The following FKBP5 variants were observed in gnomAD, a reference collection of about 807,000 sequenced individuals.
FKBP5 encodes the protein FKBP prolyl isomerase 5.
In FKBP5, 23 loss-of-function variants were observed where a neutral mutation model predicts 50.5. That is an observed-to-expected ratio of 0.46 (90% CI 0.33 to 0.65). The LOEUF is 0.65. Ranked by LOEUF, FKBP5 falls within the 30% of genes least tolerant of loss-of-function variation. The pLI is 0.02. For missense variants in FKBP5, 411 were observed against 553.1 expected, an observed-to-expected ratio of 0.74 and a Z score of 2.58; for synonymous variants, 176 against 190.6, an observed-to-expected ratio of 0.92 and a Z score of 0.63.
chr6:35,588,669 C>T lies in FKBP5; in HGVS notation c.757-1552G>A, dbSNP rs144903614. Among the ~76,000 whole-genome samples the T allele has an allele frequency of 4.7e-3, 712 of 151,918 alleles. 7 individuals are homozygous for T. The highest frequency in any genetic ancestry group is 0.015 in the African/African-American group (642 of 41,456). ...AGGCTGGAGTGCAGTGGCACGATCG[C>T]GGCTCACTGTAGCCTCGATTTCCCA... is the stretch of plus-strand genomic sequence containing the variant. On this transcript the variant is annotated intron_variant, in intron 7 of 10. Transcript: ENST00000357266.
intron 1 of FKBP5, among the ~76,000 whole-genome samples, chr6:35,680,648 C>A (rs1765640134): frequency 6.6e-6 from 1 of 152,110 alleles, no homozygotes; most frequent in Non-Finnish European, 1.5e-5. Flanking sequence ...GACAGATTTA[C>A]CACTTACCAA....
intron 1 of FKBP5, among the ~76,000 whole-genome samples, chr6:35,671,607 C>A (rs1436390774): frequency 6.6e-6 from 1 of 151,636 alleles, no homozygotes; most frequent in African/African-American, 2.4e-5. Flanking sequence ...AGGGTAAATA[C>A]CTAAAGAAGT....
At chr6:35,708,542 G>A (rs997072503) in intron 2 of FKBP5, among the ~76,000 whole-genome samples, 5 of 151,346 alleles carry the variant, frequency 3.3e-5, no homozygotes, top group Admixed American at 1.3e-4. Flanking sequence ...ATGAGCCATT[G>A]CGCCTGGCCT....
chr6:35,725,216 G>T (rs544188570), intron 1 of FKBP5, among the ~76,000 whole-genome samples: 2 of 152,238 alleles, frequency 1.3e-5, no homozygotes, highest in East Asian at 3.9e-4. Context: ...GTGACTCCTG[G>T]GGGTGAGAGG....
intron 5 of FKBP5, among the ~76,000 whole-genome samples, chr6:35,598,488 G>A (rs1016905875): frequency 3.0e-4 from 46 of 151,950 alleles, no homozygotes; most frequent in African/African-American, 8.9e-4. Flanking sequence ...CTCCCAAAGC[G>A]CTGGGATTAC....
rs371705179 is a variant in FKBP5, at chr6:35,637,292, C to T, written c.106-134G>A. 205 of 728,816 alleles carry T rather than the reference C, an allele frequency of 2.8e-4. 2 individuals carry two copies. In the East Asian group the frequency reaches 4.0e-3, roughly 14 times the overall value. The allele number at this position is 728,816 out of a possible 1,614,324, so 45.1% of individuals were successfully genotyped here. ...TACTATTATCCATTCTTTCTAATGC[C>T]TCCCTTCATTCCTCACAATAACTCA... On this transcript the variant is annotated intron_variant, in intron 2 of 10. Transcript: ENST00000357266.
intron 1 of FKBP5, among the ~76,000 whole-genome samples, chr6:35,647,119 T>C (rs1251029251): frequency 6.6e-6 from 1 of 152,200 alleles, no homozygotes; most frequent in African/African-American, 2.4e-5. Context: ...GAACAAATAA[T>C]TACTGAAGAA....
chr6:35,574,275 TAA>T lies in FKBP5; in HGVS notation c.*1558_*1559del, dbSNP rs1248224631. The T allele has an allele frequency of 3.9e-5, 6 of 152,274 alleles. No individual in the cohort carries two copies. The highest frequency in any genetic ancestry group is 5.9e-5 in the Non-Finnish European group (4 of 68,010). The allele number at this position is 152,274 out of a possible 1,614,324, so 9.4% of individuals were successfully genotyped here. A position where few individuals can be genotyped will look rare whatever the true frequency, so the allele number is the denominator to read the frequency against. The stretch of plus-strand genomic sequence containing the variant: ...TTTGAAGGGGGTCCCAATCTAATAA[TAA>T]AAGTCTTTTGATAAAACCATCATAA... On this transcript the variant is annotated 3_prime_UTR_variant, in exon 11 of 11. Transcript: ENST00000357266.
chr6:35,582,293 G>C, intron 8 of FKBP5: 6 of 985,314 alleles, frequency 6.1e-6, no homozygotes, highest in Non-Finnish European at 7.2e-6. Flanking sequence ...GAGGAAATTA[G>C]ATTTGCTATG....
intron 1 of FKBP5, among the ~76,000 whole-genome samples, chr6:35,685,198 T>C (rs1418532223): frequency 6.6e-6 from 1 of 152,248 alleles, no homozygotes; most frequent in African/African-American, 2.4e-5. Flanking sequence ...ATTAATCTGT[T>C]AGTAACCTGC....
At chr6:35,637,291 C>T in intron 2 of FKBP5, 133 bp from the exon 3 acceptor site, 1 of 736,714 alleles carries the variant, frequency 1.4e-6, no homozygotes, top group Non-Finnish European at 2.2e-6. Context: ...CTTTCTAATG[C>T]CTCCCTTCAT....
intron 5 of FKBP5, chr6:35,607,819 C>A: frequency 4.5e-6 from 1 of 224,166 alleles, no homozygotes; most frequent in East Asian, 1.1e-4. Context: ...TGAAGGTCTC[C>A]AAGGACAAAT....
intron 1 of FKBP5, 33 bp from the exon 2 acceptor site, chr6:35,642,876 A>C: frequency 6.7e-7 from 1 of 1,483,112 alleles, no homozygotes; most frequent in Non-Finnish European, 9.4e-7. Flanking sequence ...AGCTGGGAAA[A>C]ATATCACTTC....
intron 2 of FKBP5, among the ~76,000 whole-genome samples, chr6:35,697,841 A>T (rs1429727229): frequency 6.6e-6 from 1 of 152,092 alleles, no homozygotes; most frequent in South Asian, 2.1e-4. Context: ...TATACTAAAA[A>T]CCATTGTGCT....
intron 1 of FKBP5, among the ~76,000 whole-genome samples, chr6:35,655,944 A>C (rs1382900114): frequency 2.6e-5 from 4 of 152,186 alleles, no homozygotes; most frequent in Non-Finnish European, 4.4e-5. Context: ...GTTTGGTTTA[A>C]ATATGGACAG....
chr6:35,662,501 C>A (rs1765099481), intron 1 of FKBP5, among the ~76,000 whole-genome samples: 1 of 146,642 alleles, frequency 6.8e-6, no homozygotes, highest in Non-Finnish European at 1.5e-5. Context: ...CCAGGCTGTT[C>A]TTGAACTCCT....
chr6:35,596,367 A>T (rs2150963754), intron 6 of FKBP5, among the ~76,000 whole-genome samples: 1 of 152,188 alleles, frequency 6.6e-6, no homozygotes, highest in South Asian at 2.1e-4. Flanking sequence ...ATATATATAT[A>T]TATGATTATG....
In FKBP5 at chr6:35,718,595, G is replaced by A. The variant is rs538638880; in HGVS notation, c.-20+1733C>T. ...ATCTCCAATACAAAGGAGGTATAAG[G>A]CCCGGCCTCACCTGGGAATCCCAAT... On this transcript the variant is annotated intron_variant, in intron 2 of 11. Transcript: ENST00000536438. 8.5e-5 allele frequency among the ~76,000 whole-genome samples: 13 copies of A among 152,248 alleles called. No homozygotes were observed. The South Asian group carries it at 2.5e-3, about 29-fold the overall frequency.
intron 5 of FKBP5, 149 bp downstream of exon 5, chr6:35,618,947 C>G (rs565839454): frequency 1.7e-6 from 1 of 587,786 alleles, no homozygotes; most frequent in African/African-American, 1.9e-5. Context: ...CCACCCGCCT[C>G]GACCTCCCAA....
Sources: gnomAD v4.1 joint callset for allele counts (sites outside exome capture counted in the v4.1 genomes callset) on GRCh38, gnomAD v4.1.1 for gene constraint, MANE v1.5 for transcripts, NCBI Gene and HGNC (gene_info 2026-07-23, HGNC 2026-07-21) for gene names.